The following DAB1 variants were observed in gnomAD, a reference collection of about 807,000 sequenced individuals.
DAB1 encodes the protein DAB adaptor protein 1, also known as disabled homolog 1.
A neutral mutation model predicts 64.6 loss-of-function variants in DAB1; 15 were observed. The ratio of observed to expected loss-of-function variants is 0.23; its 90% CI spans 0.16 to 0.36. The LOEUF (loss-of-function observed/expected upper bound fraction) is 0.36, where lower values mean the gene tolerates loss of function less well. Ranked by LOEUF, DAB1 falls within the 10% of genes least tolerant of loss-of-function variation. The pLI, the probability that DAB1 is intolerant of heterozygous loss-of-function variation, is 1.00. For synonymous variants in DAB1, 235 were observed against 251.9 expected (o/e 0.93, Z 0.64); for missense variants, 596 against 706.7 (o/e 0.84, Z 1.78).
At position 57,995,088 on chromosome 1, in the gene DAB1, T is replaced by G. The variant is rs1646404154; in HGVS notation, n.388-110926A>C. 2.0e-5 allele frequency among the ~76,000 whole-genome samples: 3 copies of G among 152,276 alleles called. No homozygotes were observed. In the South Asian group the frequency reaches 6.2e-4, roughly 32 times the overall value. On this transcript the variant is annotated intron_variant and non_coding_transcript_variant, in intron 5 of 20. Coordinates refer to the DAB1 transcript ENST00000485760. ...TGCTGAGCAAGTTACCACCCCTCTCTGGGCCTCAGTTTCCTCAACTGCAAA... is the reference window on the plus strand; with the variant it reads ...TGCTGAGCAAGTTACCACCCCTCTCGGGGCCTCAGTTTCCTCAACTGCAAA...
At chr1:58,024,116 T>C (rs1324381178) in intron 5 of DAB1, among the ~76,000 whole-genome samples, 1 of 152,208 alleles carries the variant, frequency 6.6e-6, no homozygotes, top group Non-Finnish European at 1.5e-5. Context: ...AGTACAAACA[T>C]AGCTCTTGAT....
At chr1:57,448,201 G>A (rs1686220983) in intron 7 of DAB1, among the ~76,000 whole-genome samples, 2 of 152,160 alleles carry the variant, frequency 1.3e-5, no homozygotes, top group South Asian at 4.1e-4. Flanking sequence ...CTAATAGTTT[G>A]TAGAAATAGC....
intron 2 of DAB1, among the ~76,000 whole-genome samples, chr1:58,510,493 T>C (rs1432601216): frequency 6.6e-6 from 1 of 152,124 alleles, no homozygotes; most frequent in Non-Finnish European, 1.5e-5. Context: ...TATAGCTATA[T>C]ATGAAAAGCC....
At chr1:57,848,708 G>A (rs539679828) in intron 1 of DAB1, among the ~76,000 whole-genome samples, 1 of 152,192 alleles carries the variant, frequency 6.6e-6, no homozygotes, top group Admixed American at 6.5e-5. Flanking sequence ...ATAACCTAAG[G>A]TTGAAGAAAC....
At chr1:58,277,723 A>G (rs1311414437) in intron 4 of DAB1, among the ~76,000 whole-genome samples, 6 of 152,210 alleles carry the variant, frequency 3.9e-5, no homozygotes, top group Non-Finnish European at 8.8e-5. Flanking sequence ...TAAATTAACA[A>G]AGGATGCTCT....
intron 3 of DAB1, among the ~76,000 whole-genome samples, chr1:58,504,409 G>T (rs1219382250): frequency 6.6e-6 from 1 of 152,058 alleles, no homozygotes; most frequent in Non-Finnish European, 1.5e-5. Flanking sequence ...ACTTGCTCCC[G>T]TGCTTCCTTC....
chr1:58,428,084 C>A (rs1377262888), intron 3 of DAB1, among the ~76,000 whole-genome samples: 1 of 152,182 alleles, frequency 6.6e-6, no homozygotes, highest in Non-Finnish European at 1.5e-5. Flanking sequence ...TTTTGAATTG[C>A]ACTTCCAGGT....
intron 7 of DAB1, among the ~76,000 whole-genome samples, chr1:57,618,879 G>A (rs1645821800): frequency 6.6e-6 from 1 of 152,092 alleles, no homozygotes; most frequent in African/African-American, 2.4e-5. Context: ...GTCAAATCCT[G>A]GCTCTGCAAC....
intron 6 of DAB1, among the ~76,000 whole-genome samples, chr1:57,702,878 T>A (rs1478604672): frequency 2.6e-5 from 4 of 151,956 alleles, no homozygotes; most frequent in African/African-American, 9.7e-5. Flanking sequence ...AAACCAGAAA[T>A]GAGACAGCAC....
intron 3 of DAB1, among the ~76,000 whole-genome samples, chr1:58,430,689 G>T (rs997844180): frequency 2.6e-5 from 4 of 152,172 alleles, no homozygotes; most frequent in Admixed American, 2.6e-4. Flanking sequence ...GTAGTTTATT[G>T]TGACAAGACA....
rs376437196 is a variant in DAB1, at chr1:57,267,266, A to G, written c.67+23698T>C. On this transcript the variant is annotated intron_variant, in intron 2 of 14. Transcript: ENST00000371236. ...GAGGCAGAGAGCAAAGAGCTTCCAC[A>G]GGGAGTGAGTGCAACCCTGCCCACA... Among the ~76,000 whole-genome samples the G allele has an allele frequency of 3.3e-4, 50 of 151,938 alleles. 2 individuals are homozygous for G. The East Asian group carries it at 4.5e-3, about 14-fold the overall frequency.
rs1421947921 is a variant in DAB1 at position 57,698,635 on chromosome 1, G to A, written n.552-48970C>T. Among the ~76,000 whole-genome samples the A allele has an allele frequency of 2.3e-4, 35 of 152,146 alleles. 1 individual carries two copies. The highest frequency in any genetic ancestry group is 2.3e-3 in the Admixed American group (35 of 15,270). On this transcript the variant is annotated intron_variant and non_coding_transcript_variant, in intron 6 of 20. Coordinates refer to the DAB1 transcript ENST00000485760. Reference sequence around the variant, plus strand: ...TTGTTGAATGGGCAAATCAATGGGTGGATGGAGAGAGAAATGATTGAATAA... The same window carrying A: ...TTGTTGAATGGGCAAATCAATGGGTAGATGGAGAGAGAAATGATTGAATAA...
intron 3 of DAB1, among the ~76,000 whole-genome samples, chr1:58,403,460 C>A (rs1279087576): frequency 1.3e-5 from 2 of 152,150 alleles, no homozygotes; most frequent in Admixed American, 1.3e-4. Context: ...TCATTGAGAA[C>A]CATGAAGAAG....
At chr1:57,460,685 A>G (rs920188937) in intron 7 of DAB1, among the ~76,000 whole-genome samples, 2 of 152,160 alleles carry the variant, frequency 1.3e-5, no homozygotes, top group African/African-American at 4.8e-5. Context: ...AATAGATTTT[A>G]GCTGCCAGGA....
At chr1:58,452,080 G>A (rs1359043419) in intron 3 of DAB1, among the ~76,000 whole-genome samples, 1 of 151,830 alleles carries the variant, frequency 6.6e-6, no homozygotes, top group African/African-American at 2.4e-5. Context: ...TTACAGGTGC[G>A]AGCCAACACG....
chr1:58,367,816 G>T (rs1245123848), intron 3 of DAB1, among the ~76,000 whole-genome samples: 1 of 152,116 alleles, frequency 6.6e-6, no homozygotes, highest in African/African-American at 2.4e-5. Context: ...GCTCATTAAT[G>T]CTACTATATA....
intron 5 of DAB1, among the ~76,000 whole-genome samples, chr1:58,026,152 C>T (rs1646892057): frequency 6.6e-6 from 1 of 152,174 alleles, no homozygotes; most frequent in Non-Finnish European, 1.5e-5. Context: ...CTGAATCTGA[C>T]ACAAAGTAAG....
intron 9 of DAB1, among the ~76,000 whole-genome samples, chr1:57,052,279 C>A (rs1649271160): frequency 1.3e-5 from 2 of 152,084 alleles, no homozygotes; most frequent in African/African-American, 4.8e-5. Flanking sequence ...TGGCATTATA[C>A]AACAAAGAAA....
rs143160399 is a variant in DAB1 at position 57,802,907 on chromosome 1, G to A, written n.551+81092C>T. Among the ~76,000 whole-genome samples, 4 of 152,270 alleles carry A rather than the reference G, an allele frequency of 2.6e-5. No individual in the cohort carries two copies. In the East Asian group the frequency reaches 7.7e-4, roughly 29 times the overall value. On this transcript the variant is annotated intron_variant and non_coding_transcript_variant, in intron 6 of 20. Transcript: ENST00000485760. Reference sequence around the variant, plus strand: ...ATTAACAGTCTGTCATGGTTGTCCTGCATCTGGCCTAAATAGCCTGGCCTT... The same window carrying A: ...ATTAACAGTCTGTCATGGTTGTCCTACATCTGGCCTAAATAGCCTGGCCTT...
Sources: gnomAD v4.1 joint callset for allele counts (sites outside exome capture counted in the v4.1 genomes callset) on GRCh38, gnomAD v4.1.1 for gene constraint, MANE v1.5 for transcripts, NCBI Gene and HGNC (gene_info 2026-07-23, HGNC 2026-07-21) for gene names.